The following CFAP299 variants were observed in gnomAD, a reference collection of about 807,000 sequenced individuals.
CFAP299 encodes cilia- and flagella-associated protein 299.
In CFAP299, 21 loss-of-function variants were observed where a neutral mutation model predicts 27.0. The ratio of observed to expected loss-of-function variants is 0.78; its 90% CI spans 0.55 to 1.12. The LOEUF (loss-of-function observed/expected upper bound fraction) is 1.12, where lower values mean the gene tolerates loss of function less well. CFAP299 is among the 50% of genes most tolerant of loss of function. The probability of loss-of-function intolerance (pLI) is 0.00; values close to 1 mark genes in which losing one functional copy is unlikely to be tolerated. For missense variants in CFAP299, 310 were observed against 276.6 expected (o/e 1.12, Z -0.86); for synonymous variants, 104 against 98.1 (o/e 1.06, Z -0.36).
At chr4:80,671,819 T>G (rs1371507468) in intron 3 of CFAP299, among the ~76,000 whole-genome samples, 1 of 152,206 alleles carries the variant, frequency 6.6e-6, no homozygotes. Flanking sequence ...TGTATAGGAA[T>G]GCTTGTGATT....
At chr4:80,464,430 A>G (rs1056687095) in intron 2 of CFAP299, among the ~76,000 whole-genome samples, 3 of 152,250 alleles carry the variant, frequency 2.0e-5, no homozygotes, top group Admixed American at 1.3e-4. Flanking sequence ...GCTAACTGGT[A>G]TAGCCATGAG....
At chr4:80,499,364 T>G (rs757261498) in intron 2 of CFAP299, among the ~76,000 whole-genome samples, 6 of 152,186 alleles carry the variant, frequency 3.9e-5, no homozygotes, top group Non-Finnish European at 7.4e-5. Context: ...AGTTGTAGTT[T>G]TTTATTGGGT....
At chr4:80,922,034 C>G (rs912911832) in intron 4 of CFAP299, among the ~76,000 whole-genome samples, 2 of 151,814 alleles carry the variant, frequency 1.3e-5, no homozygotes, top group Non-Finnish European at 2.9e-5. Context: ...GTTTAAAGTG[C>G]CTGTGGAACA....
chr4:80,518,891 C>T (rs962988233), intron 2 of CFAP299, among the ~76,000 whole-genome samples: 2 of 152,052 alleles, frequency 1.3e-5, no homozygotes, highest in Non-Finnish European at 2.9e-5. Context: ...GTGGGTATAA[C>T]AGGCAGAAGG....
At chr4:80,957,512 C>T (rs1738129986) in intron 5 of CFAP299, among the ~76,000 whole-genome samples, 2 of 152,034 alleles carry the variant, frequency 1.3e-5, no homozygotes, top group South Asian at 4.1e-4. Context: ...TAAGGTATTA[C>T]AACTGATTCC....
intron 3 of CFAP299, among the ~76,000 whole-genome samples, chr4:80,748,815 G>A (rs779333713): frequency 1.2e-4 from 18 of 152,184 alleles, no homozygotes; most frequent in South Asian, 6.2e-4. Flanking sequence ...AAGATTATTT[G>A]TTCTGATCAT....
intron 3 of CFAP299, among the ~76,000 whole-genome samples, chr4:80,813,312 T>C (rs1378939114): frequency 6.6e-6 from 1 of 151,996 alleles, no homozygotes; most frequent in Non-Finnish European, 1.5e-5. Context: ...AGCAATATTC[T>C]AGCACTCAAC....
intron 2 of CFAP299, among the ~76,000 whole-genome samples, chr4:80,404,744 T>C (rs1244727185): frequency 6.6e-6 from 1 of 152,234 alleles, no homozygotes; most frequent in African/African-American, 2.4e-5. Context: ...ACTGTGGACA[T>C]AGATGTACAA....
At chr4:80,880,758 T>TAAAATAAAATAAAATA (rs771412772) in intron 4 of CFAP299, among the ~76,000 whole-genome samples, 16 of 151,092 alleles carry the variant, frequency 1.1e-4, no homozygotes, top group African/African-American at 3.4e-4. Flanking sequence ...AAAATAAAAT[T>TAAAATAAAATAAAATA]AAATTAAATT....
intron 2 of CFAP299, among the ~76,000 whole-genome samples, chr4:80,465,995 G>A (rs1729681947): frequency 1.3e-5 from 2 of 152,100 alleles, no homozygotes; most frequent in Non-Finnish European, 2.9e-5. Flanking sequence ...TCTTTCATTC[G>A]GTAGCCATAA....
chr4:80,445,272 C>G (rs547285657), intron 2 of CFAP299, among the ~76,000 whole-genome samples: 1 of 152,270 alleles, frequency 6.6e-6, no homozygotes, highest in Non-Finnish European at 1.5e-5. Flanking sequence ...TTGGAACCAA[C>G]CCAGATGCCC....
upstream of CFAP299, among the ~76,000 whole-genome samples, chr4:80,332,142 A>T (rs143009157): frequency 5.3e-5 from 8 of 152,342 alleles, no homozygotes; most frequent in Admixed American, 2.0e-4. Context: ...AAAAATGTCT[A>T]TTGGGCCTAA....
At chr4:80,759,458 A>C (rs560652232) in intron 3 of CFAP299, among the ~76,000 whole-genome samples, 39 of 152,284 alleles carry the variant, frequency 2.6e-4, no homozygotes, top group African/African-American at 9.4e-4. Flanking sequence ...GTGGCGGGCA[A>C]CTGTCATCAT....
rs755527835 is a variant in CFAP299, at chr4:80,594,777, A to T, written c.333+11594A>T. Among the ~76,000 whole-genome samples, 164 of 152,300 alleles carry T rather than the reference A, an allele frequency of 1.1e-3. No individual in the cohort carries two copies. In the Middle Eastern group the frequency reaches 0.017, roughly 16 times the overall value. On this transcript the variant is annotated intron_variant, in intron 3 of 5. Coordinates refer to ENST00000358105, the MANE Select transcript of CFAP299 (RefSeq NM_152770.3). ...TTCTGTAAGTATTTGTGTCTATCACATCACAAGATTTTTCTCAAATATCTA... is the reference window on the plus strand; with the variant it reads ...TTCTGTAAGTATTTGTGTCTATCACTTCACAAGATTTTTCTCAAATATCTA...
intron 2 of CFAP299, among the ~76,000 whole-genome samples, chr4:80,476,968 T>G (rs1165978763): frequency 6.6e-6 from 1 of 151,942 alleles, no homozygotes; most frequent in African/African-American, 2.4e-5. Flanking sequence ...TGCGTGTGTG[T>G]GTGTGTGTGT....
intron 2 of CFAP299, among the ~76,000 whole-genome samples, chr4:80,441,797 G>C (rs1055995770): frequency 6.6e-6 from 1 of 152,266 alleles, no homozygotes; most frequent in South Asian, 2.1e-4. Context: ...CAGTGTGCTT[G>C]TATTCAGGAG....
In CFAP299 at chr4:80,944,910, GAC is replaced by G. The variant is rs1560487414; in HGVS notation, c.579_580del (p.Asp193GlufsTer5). 1 of 1,612,902 alleles carries G rather than the reference GAC, an allele frequency of 6.2e-7. No homozygotes were observed. Among genetic ancestry groups the G allele is most frequent in the Non-Finnish European group, 8.5e-7 (1 of 1,179,320 alleles). ...AGGCTTACTTTTCAGATACAAAAGA[GAC>G]AGAAAAATTCTTAATGTGGACCCAA... ...PEGLLFRYKR[D>X]RKILNVDPKA... On this transcript the variant is annotated frameshift_variant, in exon 5 of 6. Transcript: ENST00000358105. LOFTEE classifies it high-confidence loss of function.
At chr4:80,443,985 C>T (rs1229221720) in intron 2 of CFAP299, among the ~76,000 whole-genome samples, 1 of 152,006 alleles carries the variant, frequency 6.6e-6, no homozygotes, top group African/African-American at 2.4e-5. Flanking sequence ...AAGTGAAGGA[C>T]CTCTTCAAGG....
chr4:80,772,407 T>G (rs976621309), intron 3 of CFAP299, among the ~76,000 whole-genome samples: 1 of 152,172 alleles, frequency 6.6e-6, no homozygotes, highest in Non-Finnish European at 1.5e-5. Context: ...CTGAGTAGTA[T>G]TAATTTCATT....
Sources: gnomAD v4.1 joint callset for allele counts (sites outside exome capture counted in the v4.1 genomes callset) on GRCh38, gnomAD v4.1.1 for gene constraint, MANE v1.5 for transcripts, NCBI Gene and HGNC (gene_info 2026-07-23, HGNC 2026-07-21) for gene names.